CTH: variants seen among roughly 807,000 people sequenced by gnomAD.
CTH encodes cystathionine gamma-lyase.
In CTH, 41 loss-of-function variants were observed where a neutral mutation model predicts 50.6. That is an observed-to-expected ratio of 0.81 (90% CI 0.63 to 1.05). CTH has a LOEUF of 1.05. Among genes scored for constraint, CTH ranks in the 50% least tolerant of loss-of-function variants. The pLI is 0.00. For missense variants in CTH, 470 were observed against 492.6 expected (o/e 0.95, Z 0.43); for synonymous variants, 156 against 168.9 (o/e 0.92, Z 0.59).
At chr1:70,426,587 TC>T (rs772324089) in intron 5 of CTH, among the ~76,000 whole-genome samples, 1 of 152,220 alleles carries the variant, frequency 6.6e-6, no homozygotes, top group Non-Finnish European at 1.5e-5. Flanking sequence ...TATTTTCCTT[TC>T]CTGAAGCACA....
chr1:70,416,501 T>C (rs1334730015), intron 2 of CTH, among the ~76,000 whole-genome samples: 2 of 151,650 alleles, frequency 1.3e-5, no homozygotes, highest in African/African-American at 2.4e-5. Context: ...CAAGCGATTC[T>C]CCTGCCTCAG....
intron 7 of CTH, among the ~76,000 whole-genome samples, 159 bp from the exon 8 acceptor site, chr1:70,431,924 T>C (rs551477587): frequency 2.6e-5 from 4 of 152,344 alleles, no homozygotes; most frequent in African/African-American, 9.6e-5. Flanking sequence ...CTATGCTTTG[T>C]TCTTCTGCTT....
intron 9 of CTH, 72 bp from the exon 10 acceptor site, chr1:70,435,053 A>G: frequency 1.4e-6 from 2 of 1,450,582 alleles, no homozygotes; most frequent in Non-Finnish European, 1.9e-6. Flanking sequence ...GCCTGGCCTA[A>G]AAACATTTAT....
intron 5 of CTH, among the ~76,000 whole-genome samples, chr1:70,428,800 A>G (rs1487566336): frequency 6.6e-6 from 1 of 151,936 alleles, no homozygotes; most frequent in Non-Finnish European, 1.5e-5. Context: ...TTTAGTAGAG[A>G]TAGGGTTTCA....
intron 8 of CTH, 78 bp from the exon 9 acceptor site, chr1:70,433,750 G>A (rs1684532455): frequency 6.3e-7 from 1 of 1,598,436 alleles, no homozygotes. Context: ...TAAGTAGACA[G>A]TGAAAAATAC....
At chr1:70,419,331 A>T (rs1470575480) in intron 3 of CTH, among the ~76,000 whole-genome samples, 1 of 152,176 alleles carries the variant, frequency 6.6e-6, no homozygotes, top group Non-Finnish European at 1.5e-5. Flanking sequence ...TCCTTTGGGT[A>T]TATACCCAGT....
At position 70,418,117 on chromosome 1, in the gene CTH, C is replaced by T. The variant is rs1232713506; in HGVS notation, c.346+85C>T. On this transcript the variant is annotated intron_variant, in intron 3 of 11. Coordinates refer to ENST00000370938, the MANE Select transcript of CTH (RefSeq NM_001902.6). ...CCCTGAATTAATATTAACAATGTTG[C>T]CAGTATTTTTGATTATTTATTATAG... is the stretch of plus-strand genomic sequence containing the variant. 2.0e-6 allele frequency: 3 copies of T among 1,477,162 alleles called. No homozygotes were observed. In the African/African-American group the frequency reaches 4.2e-5, roughly 21 times the overall value. 91.5% of individuals were successfully genotyped at this position (1,477,162 alleles called of 1,614,324 possible). A position where few individuals can be genotyped will look rare whatever the true frequency, so the allele number is the denominator to read the frequency against.
In CTH at chr1:70,411,698, C is replaced by T. The variant is rs543401820; in HGVS notation, c.168+115C>T. On this transcript the variant is annotated intron_variant, in intron 1 of 11. Coordinates refer to ENST00000370938, the MANE Select transcript of CTH (RefSeq NM_001902.6). Reference sequence around the variant, plus strand: ...ATGACTTATAAATTAGGAAGGCAACCGAAAGATGTTTCTACACTGTAATTC... The same window carrying T: ...ATGACTTATAAATTAGGAAGGCAACTGAAAGATGTTTCTACACTGTAATTC... The T allele has an allele frequency of 6.8e-6, 10 of 1,469,136 alleles. No homozygotes were observed. The South Asian group carries it at 1.4e-4, about 21-fold the overall frequency. 91.0% of individuals were successfully genotyped at this position (1,469,136 alleles called of 1,614,324 possible).
At position 70,415,868 on chromosome 1, in the gene CTH, A is replaced by G. The variant is rs1684079598; in HGVS notation, c.169-88A>G. 3.9e-6 allele frequency: 3 copies of G among 776,446 alleles called. No individual in the cohort carries two copies. In the Admixed American group the frequency reaches 5.5e-5, roughly 14 times the overall value. The allele number at this position is 776,446 out of a possible 1,614,324, so 48.1% of individuals were successfully genotyped here. A position where few individuals can be genotyped will look rare whatever the true frequency, so the allele number is the denominator to read the frequency against. ...CATGACTAAAGAATAGAAACTAATT[A>G]TGGTAGGGTGAAACTATAGTTCTCT... On this transcript the variant is annotated intron_variant, in intron 1 of 11. Transcript: ENST00000370938.
At chr1:70,430,286 TTTTG>T (rs780283234) in intron 6 of CTH, 27 bp from the exon 7 acceptor site, 36 of 1,288,584 alleles carry the variant, frequency 2.8e-5, no homozygotes, top group East Asian at 9.2e-5. Context: ...TAACTGAAAT[TTTTG>T]TTTGTTTGTT....
intron 4 of CTH, among the ~76,000 whole-genome samples, chr1:70,423,228 A>G (rs1297986128): frequency 1.3e-5 from 2 of 152,034 alleles, no homozygotes. Context: ...AAAACTCTAA[A>G]GTCAGAAGAG....
chr1:70,430,302 G>C lies in CTH; in HGVS notation c.647-15G>C, dbSNP rs140590694. 1.4e-3 allele frequency: 2,136 copies of C among 1,493,734 alleles called. 32 individuals are homozygous for C. In the African/African-American group the frequency reaches 0.025, roughly 17 times the overall value. The allele number at this position is 1,493,734 out of a possible 1,614,324, so 92.5% of individuals were successfully genotyped here. A position where few individuals can be genotyped will look rare whatever the true frequency, so the allele number is the denominator to read the frequency against. On this transcript the variant is annotated splice_polypyrimidine_tract_variant and intron_variant, in intron 6 of 11. Coordinates refer to ENST00000370938, the MANE Select transcript of CTH (RefSeq NM_001902.6). ...AACTGAAATTTTTGTTTGTTTGTTT[G>C]TTTTTTGTTTTTAGGCCACAGTGAT...
intron 3 of CTH, among the ~76,000 whole-genome samples, chr1:70,421,357 A>G (rs1046395162): frequency 5.3e-5 from 8 of 152,184 alleles, no homozygotes; most frequent in African/African-American, 1.9e-4. Context: ...AGTGTGTTTT[A>G]TTTGACTCTT....
chr1:70,420,548 T>C (rs986935931), intron 3 of CTH, among the ~76,000 whole-genome samples: 8 of 152,108 alleles, frequency 5.3e-5, no homozygotes, highest in African/African-American at 1.7e-4. Context: ...GGGAGTCATA[T>C]TGCTTACCCG....
intron 2 of CTH, among the ~76,000 whole-genome samples, chr1:70,417,045 G>C (rs1304649149): frequency 6.6e-6 from 1 of 151,990 alleles, no homozygotes; most frequent in African/African-American, 2.4e-5. Context: ...CCTGAGAATA[G>C]CACTAAAGTT....
chr1:70,423,696 A>T (rs925377680), intron 4 of CTH, among the ~76,000 whole-genome samples: 15 of 152,152 alleles, frequency 9.9e-5, no homozygotes, highest in African/African-American at 3.6e-4. Context: ...AGGTTTTGAG[A>T]TATAAAGGTC....
chr1:70,428,042 C>A (rs534063809), intron 5 of CTH, among the ~76,000 whole-genome samples: 55 of 151,008 alleles, frequency 3.6e-4, no homozygotes, highest in Non-Finnish European at 7.2e-4. Context: ...GGAAAGTCTA[C>A]ACTTTTCACT....
chr1:70,429,525 A>G (rs1684418669), intron 5 of CTH, among the ~76,000 whole-genome samples: 2 of 152,230 alleles, frequency 1.3e-5, no homozygotes. Flanking sequence ...AACAGGTTCA[A>G]GAGACCAGTT....
chr1:70,420,975 C>CT (rs1684207811), intron 3 of CTH, among the ~76,000 whole-genome samples: 1 of 151,618 alleles, frequency 6.6e-6, no homozygotes, highest in Non-Finnish European at 1.5e-5. Context: ...TCAATTTTTT[C>CT]TTTAAGTTTT....
Sources: allele counts gnomAD v4.1 joint callset (sites outside exome capture counted in the v4.1 genomes callset), GRCh38; gene constraint gnomAD v4.1.1; transcripts MANE v1.5; gene names NCBI Gene and HGNC (gene_info 2026-07-23, HGNC 2026-07-21).